The following TRIO variants were observed in gnomAD, a reference collection of about 807,000 sequenced individuals.
The protein encoded by TRIO is trio Rho guanine nucleotide exchange factor.
TRIO carries 58 observed loss-of-function variants against 351.9 expected under a neutral mutation model. The observed-to-expected ratio is 0.16, with a 90% CI of 0.13 to 0.21. The LOEUF is 0.21. Ranked by LOEUF, TRIO falls within the 10% of genes least tolerant of loss-of-function variation. TRIO has a pLI of 1.00. For missense variants in TRIO, 3,201 were observed against 4,027.8 expected, an observed-to-expected ratio of 0.79 and a Z score of 5.56; for synonymous variants, 1,758 against 1,595.7, an observed-to-expected ratio of 1.10 and a Z score of -2.42.
intron 9 of TRIO, among the ~76,000 whole-genome samples, chr5:14,327,849 G>A (rs60077210): frequency 0.029 from 4,381 of 152,284 alleles, 224 homozygotes; most frequent in African/African-American, 0.1. Flanking sequence ...TCTCAAGGCC[G>A]AGAGGTCCAG....
intron 1 of TRIO, among the ~76,000 whole-genome samples, chr5:14,155,799 C>G (rs1385210060): frequency 1.3e-5 from 2 of 152,152 alleles, no homozygotes; most frequent in Admixed American, 1.3e-4. Flanking sequence ...GCAGGTCTCT[C>G]CACCCTATTT....
chr5:14,276,159 T>C (rs1385701499), intron 2 of TRIO, among the ~76,000 whole-genome samples: 1 of 152,168 alleles, frequency 6.6e-6, no homozygotes, highest in Admixed American at 6.5e-5. Context: ...GGTTTGCTGG[T>C]ACCTTAGTTC....
chr5:14,403,112 T>C (rs1250946296), intron 31 of TRIO, among the ~76,000 whole-genome samples: 1 of 138,146 alleles, frequency 7.2e-6, no homozygotes, highest in Non-Finnish European at 1.5e-5. Flanking sequence ...GCATAGGTTG[T>C]GAGGGTGCAG....
intron 20 of TRIO, among the ~76,000 whole-genome samples, chr5:14,380,653 C>T (rs1746021939): frequency 6.6e-6 from 1 of 152,158 alleles, no homozygotes; most frequent in Non-Finnish European, 1.5e-5. Context: ...TTCATTACGA[C>T]AGTATGGCAG....
intron 23 of TRIO, 61 bp downstream of exon 23, chr5:14,387,908 G>T: frequency 1.3e-6 from 2 of 1,546,908 alleles, no homozygotes; most frequent in Non-Finnish European, 1.8e-6. Context: ...ATGTCATTTG[G>T]ACAGACATGC....
intron 1 of TRIO, among the ~76,000 whole-genome samples, chr5:14,266,348 A>G (rs1245639096): frequency 6.6e-6 from 1 of 151,714 alleles, no homozygotes; most frequent in Non-Finnish European, 1.5e-5. Context: ...TACCCAGCCA[A>G]CCCACATCTG....
intron 1 of TRIO, among the ~76,000 whole-genome samples, chr5:14,235,635 C>G (rs1326517895): frequency 6.6e-6 from 1 of 151,684 alleles, no homozygotes; most frequent in African/African-American, 2.4e-5. Flanking sequence ...TCTGCTAGGT[C>G]TGCGGTGGTT....
At chr5:14,231,701 CATG>C (rs1344434640) in intron 1 of TRIO, among the ~76,000 whole-genome samples, 4 of 152,084 alleles carry the variant, frequency 2.6e-5, no homozygotes, top group Non-Finnish European at 5.9e-5. Context: ...TAAAATGTGT[CATG>C]ATGACCTTAA....
At chr5:14,444,844 A>C (rs1021353161) in intron 34 of TRIO, among the ~76,000 whole-genome samples, 5 of 152,210 alleles carry the variant, frequency 3.3e-5, no homozygotes, top group African/African-American at 1.2e-4. Flanking sequence ...AAATATTAGA[A>C]TGTTTTTGAA....
intron 1 of TRIO, among the ~76,000 whole-genome samples, chr5:14,175,746 T>C (rs1789366339): frequency 6.6e-6 from 1 of 152,250 alleles, no homozygotes; most frequent in Non-Finnish European, 1.5e-5. Flanking sequence ...ATGTAGCCTA[T>C]TTCTAACATA....
intron 11 of TRIO, among the ~76,000 whole-genome samples, chr5:14,342,852 A>G (rs749014305): frequency 8.5e-5 from 13 of 152,176 alleles, no homozygotes; most frequent in African/African-American, 1.2e-4. Context: ...CACTAATACT[A>G]TCGCAAAGAT....
chr5:14,259,223 T>A (rs1795204472), intron 1 of TRIO, among the ~76,000 whole-genome samples: 1 of 152,190 alleles, frequency 6.6e-6, no homozygotes, highest in African/African-American at 2.4e-5. Context: ...GAGAGGTGAG[T>A]CCATCACAGC....
At position 14,390,416 on chromosome 5, in the gene TRIO, C is replaced by T. The variant is rs569830543; in HGVS notation, c.4128+116C>T. 3.5e-4 allele frequency: 334 copies of T among 944,864 alleles called. 3 individuals carry two copies. In the South Asian group the frequency reaches 4.1e-3, roughly 12 times the overall value. 58.5% of individuals were successfully genotyped at this position (944,864 alleles called of 1,614,324 possible). A position where few individuals can be genotyped will look rare whatever the true frequency, so the allele number is the denominator to read the frequency against. On this transcript the variant is annotated intron_variant, in intron 26 of 56. Coordinates refer to ENST00000344204, the MANE Select transcript of TRIO (RefSeq NM_007118.4). ...CATCTTCTGCTCATATCCATGCTTG[C>T]GGAGAAATAGACTTTACCTCAAAGA...
Position 14,389,282 on chromosome 5 carries a change from C to T in TRIO, c.3949-7C>T, listed in dbSNP as rs1166387265. ...TTTTGTCTAATCCCTGTTTCCCTCT[C>T]GGCTAGACGTACCTGTGGGAAATGA... On this transcript the variant is annotated splice_region_variant and splice_polypyrimidine_tract_variant and intron_variant, in intron 24 of 56. Coordinates refer to ENST00000344204, the MANE Select transcript of TRIO (RefSeq NM_007118.4). 11 of 1,600,110 alleles carry T rather than the reference C, an allele frequency of 6.9e-6. No homozygotes were observed. The highest frequency in any genetic ancestry group is 2.3e-5 in the East Asian group (1 of 44,424).
intron 7 of TRIO, among the ~76,000 whole-genome samples, chr5:14,298,559 G>A (rs767742112): frequency 6.6e-6 from 1 of 152,200 alleles, no homozygotes; most frequent in Non-Finnish European, 1.5e-5. Flanking sequence ...AACAGTCTCT[G>A]TTGAAGAGTG....
intron 34 of TRIO, among the ~76,000 whole-genome samples, chr5:14,460,138 G>A (rs1321387680): frequency 2.6e-5 from 4 of 152,072 alleles, no homozygotes; most frequent in African/African-American, 4.8e-5. Flanking sequence ...GGATAGTCTC[G>A]ATCTCCTGAC....
chr5:14,479,371 A>C (rs763647962), intron 42 of TRIO, 21 bp downstream of exon 42: 56 of 1,568,412 alleles, frequency 3.6e-5, no homozygotes, highest in Non-Finnish European at 4.9e-5. Context: ...AGATACAAAC[A>C]GAAAGTATTT....
rs75387752 is a variant in TRIO, at chr5:14,301,283, C to T, written c.1369-3178C>T. Reference sequence around the variant, plus strand: ...TTCAGCAACACTTTCTTAATACGACCATTCTGCTCAGCTTCAGGATCCCCA... The same window carrying T: ...TTCAGCAACACTTTCTTAATACGACTATTCTGCTCAGCTTCAGGATCCCCA... On this transcript the variant is annotated intron_variant, in intron 7 of 56. Coordinates refer to ENST00000344204, the MANE Select transcript of TRIO (RefSeq NM_007118.4). Among the ~76,000 whole-genome samples, 5 of 152,002 alleles carry T rather than the reference C, an allele frequency of 3.3e-5. No individual in the cohort carries two copies. In the East Asian group the frequency reaches 9.7e-4, roughly 29 times the overall value.
intron 29 of TRIO, 145 bp downstream of exon 29, chr5:14,397,299 C>G (rs1433920864): frequency 3.0e-6 from 2 of 663,610 alleles, no homozygotes; most frequent in Non-Finnish European, 5.0e-6. Flanking sequence ...AGTGTCATTG[C>G]TTTTCTTGAG....
Sources: gnomAD v4.1 joint callset for allele counts (sites outside exome capture counted in the v4.1 genomes callset) on GRCh38, gnomAD v4.1.1 for gene constraint, MANE v1.5 for transcripts, NCBI Gene and HGNC (gene_info 2026-07-23, HGNC 2026-07-21) for gene names.